Variants in UBASH3A observed in about 807,000 individuals in gnomAD.
The protein encoded by UBASH3A is ubiquitin-associated and SH3 domain-containing protein A.
Under a neutral mutation model 73.5 loss-of-function variants are expected in UBASH3A, and 63 were observed. The ratio of observed to expected loss-of-function variants is 0.86; its 90% confidence interval spans 0.70 to 1.06. UBASH3A has a LOEUF of 1.06. UBASH3A is among the 50% of genes least tolerant of loss of function. The pLI is 0.00. For missense variants in UBASH3A, 860 were observed against 859.0 expected (o/e 1.00, Z -0.02); for synonymous variants, 363 against 351.1 (o/e 1.03, Z -0.38).
At position 42,432,095 on chromosome 21, in the gene UBASH3A, C is replaced by T; in HGVS notation, c.1171-8C>T. ...TGCATGTGCCTTGCTTCCTGCCCCACCCCCCAGGCTACCGTTGCAAGGAAG... is the reference window on the plus strand; with the variant it reads ...TGCATGTGCCTTGCTTCCTGCCCCATCCCCCAGGCTACCGTTGCAAGGAAG... On this transcript the variant is annotated splice_region_variant and splice_polypyrimidine_tract_variant and intron_variant, in intron 8 of 14. Coordinates refer to ENST00000319294, the MANE Select transcript of UBASH3A (RefSeq NM_018961.4). 1 of 1,589,820 alleles carries T rather than the reference C, an allele frequency of 6.3e-7. No individual in the cohort carries two copies. The highest frequency in any genetic ancestry group is 8.6e-7 in the Non-Finnish European group (1 of 1,160,326).
chr21:42,426,620 A>G (rs2839509), intron 7 of UBASH3A, 77 bp from the exon 8 acceptor site: 409,099 of 1,554,528 alleles, frequency 0.26, 57,128 homozygotes, highest in South Asian at 0.31. Flanking sequence ...TCAAGTACAT[A>G]CATGACCAGA....
intron 2 of UBASH3A, among the ~76,000 whole-genome samples, chr21:42,408,637 C>A (rs933070752): frequency 2.6e-5 from 4 of 152,138 alleles, no homozygotes; most frequent in Non-Finnish European, 5.9e-5. Flanking sequence ...TCTTTGTGAA[C>A]TTGACAGATG....
intron 2 of UBASH3A, among the ~76,000 whole-genome samples, chr21:42,406,644 G>A (rs953830292): frequency 2.0e-5 from 3 of 152,218 alleles, no homozygotes; most frequent in Admixed American, 2.0e-4. Context: ...AGAAGAACAG[G>A]TTCATGTGCT....
At chr21:42,411,930 T>C (rs181677390) in intron 3 of UBASH3A, among the ~76,000 whole-genome samples, 1 of 152,280 alleles carries the variant, frequency 6.6e-6, no homozygotes, top group East Asian at 1.9e-4. Context: ...CAGGGAGGAA[T>C]GTCAGGCCGG....
At chr21:42,425,528 A>G (rs1487227371) in intron 7 of UBASH3A, among the ~76,000 whole-genome samples, 1 of 152,254 alleles carries the variant, frequency 6.6e-6, no homozygotes, top group Non-Finnish European at 1.5e-5. Flanking sequence ...CGATTGTTCC[A>G]ATGAGACTAT....
At chr21:42,404,908 T>C (rs1486831987) in intron 1 of UBASH3A, among the ~76,000 whole-genome samples, 4 of 152,224 alleles carry the variant, frequency 2.6e-5, no homozygotes, top group African/African-American at 9.6e-5. Flanking sequence ...GACACCAACA[T>C]TGGGTTACAG....
chr21:42,410,233 G>C lies in UBASH3A; in HGVS notation c.354+625G>C. The C allele has an allele frequency of 7.2e-6, 5 of 694,830 alleles. No individual in the cohort carries two copies. In the South Asian group the frequency reaches 7.5e-5, roughly 10 times the overall value. 43.0% of individuals were successfully genotyped at this position (694,830 alleles called of 1,614,324 possible). A position where few individuals can be genotyped will look rare whatever the true frequency, so the allele number is the denominator to read the frequency against. On this transcript the variant is annotated intron_variant, in intron 3 of 14. Transcript: ENST00000319294. ...GGAAGACAAGAAGAATGTGGGAGCT[G>C]CTCAGGAGAAAAGAAGGAGAAGGGA...
chr21:42,404,679 G>A (rs2146479008), intron 1 of UBASH3A, among the ~76,000 whole-genome samples: 1 of 152,344 alleles, frequency 6.6e-6, no homozygotes, highest in Middle Eastern at 3.4e-3. Flanking sequence ...AGCCCGCTGA[G>A]TCTCTAACAC....
chr21:42,433,227 G>A (rs940550246), intron 9 of UBASH3A, among the ~76,000 whole-genome samples: 2 of 152,198 alleles, frequency 1.3e-5, no homozygotes, highest in East Asian at 1.9e-4. Context: ...AGGTAGAGAG[G>A]CCCTTGATAA....
chr21:42,437,610 A>C lies in UBASH3A; in HGVS notation c.1486+30A>C, dbSNP rs764995170. 5 of 1,589,838 alleles carry C rather than the reference A, an allele frequency of 3.1e-6. No individual in the cohort carries two copies. The East Asian group carries it at 1.1e-4, about 36-fold the overall frequency. ...GTGAGAACCTCGGTGAGCCTCTCCTACTGCCTTGACCTTGGGGCTATTCTC... is the reference window on the plus strand; with the variant it reads ...GTGAGAACCTCGGTGAGCCTCTCCTCCTGCCTTGACCTTGGGGCTATTCTC... On this transcript the variant is annotated intron_variant, in intron 11 of 14. Coordinates refer to ENST00000319294, the MANE Select transcript of UBASH3A (RefSeq NM_018961.4).
chr21:42,429,345 A>G (rs991640776), intron 8 of UBASH3A, among the ~76,000 whole-genome samples: 1 of 152,192 alleles, frequency 6.6e-6, no homozygotes, highest in Non-Finnish European at 1.5e-5. Context: ...TTCTGTCTAG[A>G]GAATTGGTGC....
intron 11 of UBASH3A, among the ~76,000 whole-genome samples, chr21:42,440,198 G>A (rs1002295390): frequency 6.6e-6 from 1 of 152,212 alleles, no homozygotes; most frequent in Non-Finnish European, 1.5e-5. Flanking sequence ...TCCAGCCTTC[G>A]TGTTTTCAGG....
intron 10 of UBASH3A, chr21:42,435,423 C>T (rs117537740): frequency 0.055 from 8,472 of 152,676 alleles, 354 homozygotes; most frequent in Middle Eastern, 0.14. Flanking sequence ...TTCCTAAATT[C>T]AGAAAATGGA....
intron 9 of UBASH3A, among the ~76,000 whole-genome samples, chr21:42,434,322 T>G (rs1568933137): frequency 1.4e-5 from 2 of 146,850 alleles, no homozygotes; most frequent in African/African-American, 2.5e-5. Context: ...CCGGGCAGCC[T>G]CTGGTGGGAG....
intron 6 of UBASH3A, among the ~76,000 whole-genome samples, chr21:42,417,960 T>G (rs139786505): frequency 0.017 from 2,450 of 143,332 alleles, 72 homozygotes; most frequent in African/African-American, 0.059. Flanking sequence ...TGCGCCCACT[T>G]CAACCTTCGC....
At chr21:42,418,319 G>A (rs2053263713) in intron 6 of UBASH3A, 82 bp from the exon 7 acceptor site, 1 of 1,221,026 alleles carries the variant, frequency 8.2e-7, no homozygotes, top group Non-Finnish European at 1.2e-6. Context: ...GCAGGAGGTG[G>A]CAGGTGATAG....
chr21:42,412,164 G>T (rs2053112002), intron 3 of UBASH3A, among the ~76,000 whole-genome samples: 1 of 152,228 alleles, frequency 6.6e-6, no homozygotes, highest in South Asian at 2.1e-4. Flanking sequence ...CCTCCCCAGG[G>T]CGGTAGGCAA....
At chr21:42,406,487 G>A (rs1024094407) in intron 2 of UBASH3A, 126 bp downstream of exon 2, 12 of 750,708 alleles carry the variant, frequency 1.6e-5, no homozygotes, top group South Asian at 7.8e-5. Flanking sequence ...GGGCCACTGC[G>A]GAAGTGAAAC....
intron 11 of UBASH3A, among the ~76,000 whole-genome samples, chr21:42,441,354 C>T (rs543560901): frequency 1.2e-4 from 18 of 151,580 alleles, no homozygotes; most frequent in African/African-American, 4.4e-4. Flanking sequence ...TCACACTGTT[C>T]CTTCATCTTA....
Sources: allele counts gnomAD v4.1 joint callset (sites outside exome capture counted in the v4.1 genomes callset), GRCh38; gene constraint gnomAD v4.1.1; transcripts MANE v1.5; gene names NCBI Gene and HGNC (gene_info 2026-07-23, HGNC 2026-07-21).